Variants in FGFR1 observed in about 807,000 individuals in gnomAD.
FGFR1 encodes the protein fibroblast growth factor receptor 1.
In FGFR1, 18 loss-of-function variants were observed where a neutral mutation model predicts 93.7. The ratio of observed to expected loss-of-function variants is 0.19; its 90% CI spans 0.13 to 0.28. The LOEUF (loss-of-function observed/expected upper bound fraction) is 0.28. Ranked by LOEUF, FGFR1 falls within the 10% of genes least tolerant of loss-of-function variation. The pLI, the probability that FGFR1 is intolerant of heterozygous loss-of-function variation, is 1.00. For missense variants in FGFR1, 731 were observed against 1,080.4 expected, an observed-to-expected ratio of 0.68 and a Z score of 4.53; for synonymous variants, 448 against 429.3, an observed-to-expected ratio of 1.04 and a Z score of -0.54.
rs551625170 is a variant in FGFR1 at position 38,411,526 on chromosome 8, G to A, written c.*2102C>T. ...AAACAAAGAGAATTTTACAATAGTC[G>A]CCAACACTGCAGCTGCCAAAAAATC... On this transcript the variant is annotated 3_prime_UTR_variant, in exon 18 of 18. Transcript: ENST00000447712. The A allele has an allele frequency of 1.1e-4, 24 of 228,044 alleles. No individual in the cohort carries two copies. The highest frequency in any genetic ancestry group is 1.5e-4 in the Non-Finnish European group (17 of 114,928). 14.1% of individuals were successfully genotyped at this position (228,044 alleles called of 1,614,324 possible). A position where few individuals can be genotyped will look rare whatever the true frequency, so the allele number is the denominator to read the frequency against.
chr8:38,421,551 T>C (rs1310400472), intron 8 of FGFR1: 12 of 566,916 alleles, frequency 2.1e-5, no homozygotes, highest in Non-Finnish European at 3.5e-5. Flanking sequence ...TGCATTGCAA[T>C]GGCCAGGGGG....
rs17182204 is a variant in FGFR1, at chr8:38,435,384, T to C, written c.92-5436A>G. On this transcript the variant is annotated intron_variant, in intron 2 of 17. Transcript: ENST00000447712. ...ACTAACCTCGGGTTCTAGCGGCTTT[T>C]TTCCACGGCTAGGAGTGCTCTTGGT... 4.0e-3 allele frequency: 610 copies of C among 152,338 alleles called. 2 individuals are homozygous for C. Among genetic ancestry groups the C allele is most frequent in the Non-Finnish European group, 7.2e-3 (489 of 68,038 alleles). The allele number at this position is 152,338 out of a possible 1,614,324, so 9.4% of individuals were successfully genotyped here. A position where few individuals can be genotyped will look rare whatever the true frequency, so the allele number is the denominator to read the frequency against.
chr8:38,433,998 T>C (rs556064204), intron 2 of FGFR1, among the ~76,000 whole-genome samples: 3 of 152,334 alleles, frequency 2.0e-5, no homozygotes, highest in African/African-American at 7.2e-5. Flanking sequence ...AGATATTTCA[T>C]ATCAATGGAA....
intron 11 of FGFR1, 92 bp downstream of exon 11, chr8:38,417,778 G>C: frequency 6.3e-7 from 1 of 1,589,698 alleles, no homozygotes; most frequent in Non-Finnish European, 8.6e-7. Flanking sequence ...GGGCAGCAAA[G>C]GCACCAGAGA....
chr8:38,420,902 G>A (rs1474925826), intron 8 of FGFR1, among the ~76,000 whole-genome samples: 1 of 152,310 alleles, frequency 6.6e-6, no homozygotes, highest in African/African-American at 2.4e-5. Flanking sequence ...GTTGAGGAAC[G>A]AAGACAACTG....
At chr8:38,417,684 CAG>C (rs1817182638) in intron 11 of FGFR1, among the ~76,000 whole-genome samples, 184 bp downstream of exon 11, 1 of 152,162 alleles carries the variant, frequency 6.6e-6, no homozygotes, top group Non-Finnish European at 1.5e-5. Context: ...CGCCAAGGAA[CAG>C]AGTGACGTCA....
In FGFR1 at chr8:38,414,226, C is replaced by A. The variant is rs1274754896; in HGVS notation, c.2112G>T (p.Val704=). 7 of 1,614,062 alleles carry A rather than the reference C, an allele frequency of 4.3e-6. No individual in the cohort carries two copies. The Admixed American group carries it at 1.2e-4, about 27-fold the overall frequency. Residue 704 remains valine, a synonymous_variant, in exon 16 of 18, where the codon GTG becomes GTT. Transcript: ENST00000447712. ...FTLGGSPYPG[V]PVEELFKLLK... is the part of the protein sequence containing the mutation. ...GCAGCTTGAAAAGTTCCTCCACAGG[C>A]ACACCGGGGTATGGGGAGCCGCCCA...
At position 38,413,911 on chromosome 8, in the gene FGFR1, G is replaced by A. The variant is rs758339769; in HGVS notation, c.2292+7C>T. The A allele has an allele frequency of 6.2e-7, 1 of 1,613,844 alleles. No homozygotes were observed. Among genetic ancestry groups the A allele is most frequent in the South Asian group, 1.1e-5 (1 of 91,058 alleles). On this transcript the variant is annotated splice_region_variant and intron_variant, in intron 17 of 17. Coordinates refer to ENST00000447712, the MANE Select transcript of FGFR1 (RefSeq NM_023110.3). This position sits in a 1 kb window ranked among gnomAD's most constrained non-coding sequence, Gnocchi z 4.2. ...CTGAGCTCTGGCTCTGGCACGGGCA[G>A]CCTTACCTGGTTGGAGGTCAAGGCC...
rs376497452 is a variant in FGFR1, at chr8:38,428,071, G to A, written c.471C>T (p.Ser157=). 1.2e-6 allele frequency: 2 copies of A among 1,614,122 alleles called. No homozygotes were observed. Among genetic ancestry groups the A allele is most frequent in the African/African-American group, 1.3e-5 (1 of 74,930 alleles). Residue 157 remains serine, a synonymous_variant, in exon 5 of 18, where the codon TCC becomes TCT. Transcript: ENST00000447712. ...GCAATTTCTTTTCCATCTTTTCTGG[G>A]GATGTCCAATATGGAGCTACGGCTG... The part of the protein sequence containing the change: ...NRMPVAPYWT[S]PEKMEKKLHA...
Position 38,429,547 on chromosome 8 carries a change from T to C in FGFR1, c.358+135A>G. The C allele has an allele frequency of 9.9e-7, 1 of 1,011,104 alleles. No homozygotes were observed. Among genetic ancestry groups the C allele is most frequent in the Non-Finnish European group, 1.5e-6 (1 of 678,102 alleles). 62.6% of individuals were successfully genotyped at this position (1,011,104 alleles called of 1,614,324 possible). On this transcript the variant is annotated intron_variant, in intron 3 of 17. Transcript: ENST00000447712. The surrounding 1 kb of genome is among the most constrained non-coding windows in gnomAD (Gnocchi z 4.4). ...CCACGCGGCAGGCAGGGAGCAATGTTAGTGGGCAGCAGTTTCTGAAGCAGA... is the reference window on the plus strand; with the variant it reads ...CCACGCGGCAGGCAGGGAGCAATGTCAGTGGGCAGCAGTTTCTGAAGCAGA...
At chr8:38,441,309 C>G (rs1827381439) in intron 2 of FGFR1, among the ~76,000 whole-genome samples, 1 of 152,186 alleles carries the variant, frequency 6.6e-6, no homozygotes, top group Admixed American at 6.5e-5. Context: ...GATTTTGCCA[C>G]CTTTCTCCAA....
At chr8:38,451,297 A>G (rs1830994323) in intron 2 of FGFR1, among the ~76,000 whole-genome samples, 1 of 151,980 alleles carries the variant, frequency 6.6e-6, no homozygotes, top group South Asian at 2.1e-4. Context: ...GCCTTGGGAC[A>G]CAGGACCACA....
At chr8:38,439,331 C>A (rs984685557) in intron 2 of FGFR1, among the ~76,000 whole-genome samples, 2 of 152,138 alleles carry the variant, frequency 1.3e-5, no homozygotes, top group Admixed American at 1.3e-4. Flanking sequence ...CCACAGGAGA[C>A]AGCACCCTGC....
At chr8:38,454,564 A>G (rs1056050257) in intron 2 of FGFR1, among the ~76,000 whole-genome samples, 1 of 151,972 alleles carries the variant, frequency 6.6e-6, no homozygotes, top group Non-Finnish European at 1.5e-5. Flanking sequence ...TCCTTCCTCT[A>G]TCATCTCCCA....
At chr8:38,452,219 A>ACG (rs1313460187) in intron 2 of FGFR1, among the ~76,000 whole-genome samples, 1 of 145,326 alleles carries the variant, frequency 6.9e-6, no homozygotes, top group African/African-American at 2.5e-5. Context: ...ACACACACAC[A>ACG]CACACACACA....
Position 38,426,386 on chromosome 8 carries a change from A to G in FGFR1, c.622-141T>C, listed in dbSNP as rs1008966736. 4.0e-6 allele frequency: 5 copies of G among 1,239,912 alleles called. No individual in the cohort carries two copies. In the African/African-American group the frequency reaches 4.4e-5, roughly 11 times the overall value. The allele number at this position is 1,239,912 out of a possible 1,614,324, so 76.8% of individuals were successfully genotyped here. A position where few individuals can be genotyped will look rare whatever the true frequency, so the allele number is the denominator to read the frequency against. On this transcript the variant is annotated intron_variant, in intron 5 of 17. Transcript: ENST00000447712. This position sits in a 1 kb window ranked among gnomAD's most constrained non-coding sequence, Gnocchi z 4.1. ...CCCAGGCTGCAGGGTTGGCTAGGAC[A>G]AGGCGTGGATTGCCCCCCTACCAGC...
intron 6 of FGFR1, among the ~76,000 whole-genome samples, chr8:38,425,537 T>C (rs980870025): frequency 6.6e-6 from 1 of 152,198 alleles, no homozygotes; most frequent in African/African-American, 2.4e-5. Context: ...TGAGAGATTC[T>C]GTACCCAATG....
intron 8 of FGFR1, among the ~76,000 whole-genome samples, chr8:38,420,941 G>A (rs1818528353): frequency 6.6e-6 from 1 of 152,168 alleles, no homozygotes; most frequent in South Asian, 2.1e-4. Context: ...GCACGGACAG[G>A]ACCAAGACAG....
rs551215085 is a variant in FGFR1 at position 38,419,890 on chromosome 8, TAGG to T, written c.1082-158_1082-156del. ...CTAGCTAGGACTGGGATTGTGGCAC[TAGG>T]AGGATCAGGCAACCCCCTGATTTTG... On this transcript the variant is annotated intron_variant, in intron 8 of 17. Coordinates refer to ENST00000447712, the MANE Select transcript of FGFR1 (RefSeq NM_023110.3). 219 of 644,562 alleles carry T rather than the reference TAGG, an allele frequency of 3.4e-4. 2 individuals are homozygous for T. The African/African-American group carries it at 3.4e-3, about 10-fold the overall frequency. 39.9% of individuals were successfully genotyped at this position (644,562 alleles called of 1,614,324 possible). A position where few individuals can be genotyped will look rare whatever the true frequency, so the allele number is the denominator to read the frequency against.
Sources: allele counts gnomAD v4.1 joint callset (sites outside exome capture counted in the v4.1 genomes callset), GRCh38; gene constraint gnomAD v4.1.1; non-coding constraint Gnocchi (gnomAD v3.1); transcripts MANE v1.5; gene names NCBI Gene and HGNC (gene_info 2026-07-23, HGNC 2026-07-21).